The following RIMS2 variants were observed in gnomAD, a reference collection of about 807,000 sequenced individuals.
RIMS2 encodes regulating synaptic membrane exocytosis protein 2.
A neutral mutation model predicts 174.4 loss-of-function variants in RIMS2; 59 were observed. That is an observed-to-expected ratio of 0.34 (90% CI 0.27 to 0.42). The LOEUF (loss-of-function observed/expected upper bound fraction) is 0.42, where lower values mean the gene tolerates loss of function less well. Ranked by LOEUF, RIMS2 falls within the 10% of genes least tolerant of loss-of-function variation. The pLI is 1.00. For missense variants in RIMS2, 1,620 were observed against 1,666.3 expected, an observed-to-expected ratio of 0.97 and a Z score of 0.48; for synonymous variants, 606 against 572.5, an observed-to-expected ratio of 1.06 and a Z score of -0.84.
chr8:104,096,902 A>T (rs963435496), intron 19 of RIMS2, among the ~76,000 whole-genome samples: 1 of 151,936 alleles, frequency 6.6e-6, no homozygotes, highest in Admixed American at 6.6e-5. Flanking sequence ...AAAGAAAAAG[A>T]AAATGTTGGT....
chr8:104,013,779 G>A (rs895802197), intron 18 of RIMS2, among the ~76,000 whole-genome samples, 158 bp downstream of exon 20: 1 of 152,046 alleles, frequency 6.6e-6, no homozygotes, highest in Admixed American at 6.6e-5. Context: ...TATATTCACT[G>A]GATATAATAG....
rs75686122 is a variant in RIMS2 at position 103,561,561 on chromosome 8, C to T, written c.176+60499C>T. Among the ~76,000 whole-genome samples, 936 of 152,138 alleles carry T rather than the reference C, an allele frequency of 6.2e-3. 11 individuals are homozygous for T. Among genetic ancestry groups the T allele is most frequent in the African/African-American group, 0.021 (886 of 41,520 alleles). ...AAAGACATTTCTTGTTTAAAAAAAACCCCCAAACCACAGCACCACTTCTTT... is the reference window on the plus strand; with the variant it reads ...AAAGACATTTCTTGTTTAAAAAAAATCCCCAAACCACAGCACCACTTCTTT... On this transcript the variant is annotated intron_variant, in intron 1 of 23. Coordinates refer to ENST00000504942, the Ensembl canonical transcript of RIMS2.
intron 1 of RIMS2, among the ~76,000 whole-genome samples, chr8:103,621,548 G>A (rs1454911817): frequency 6.6e-6 from 1 of 152,242 alleles, no homozygotes; most frequent in Non-Finnish European, 1.5e-5. Context: ...AACTGTGGGA[G>A]CTAAGAACAT....
At chr8:103,962,276 A>G (rs867181270) in intron 15 of RIMS2, among the ~76,000 whole-genome samples, 17 of 152,146 alleles carry the variant, frequency 1.1e-4, no homozygotes, top group African/African-American at 3.9e-4. Flanking sequence ...TTTCCCTCCT[A>G]TAAAAGGAGT....
At chr8:103,850,167 G>A (rs932305109) in intron 3 of RIMS2, among the ~76,000 whole-genome samples, 5 of 151,684 alleles carry the variant, frequency 3.3e-5, no homozygotes, top group African/African-American at 1.2e-4. Context: ...TATAATTTAA[G>A]GTAATATTCC....
chr8:103,716,289 T>G lies in RIMS2; in HGVS notation c.387+18993T>G, dbSNP rs529242138. The G allele has an allele frequency of 6.6e-6, 1 of 152,180 alleles. No individual in the cohort carries two copies. Among genetic ancestry groups the G allele is most frequent in the South Asian group, 2.1e-4 (1 of 4,826 alleles). The allele number at this position is 152,180 out of a possible 1,614,324, so 9.4% of individuals were successfully genotyped here. A position where few individuals can be genotyped will look rare whatever the true frequency, so the allele number is the denominator to read the frequency against. ...TCTTTTCTGTCTTTTCTAACTTGCT[T>G]TCGTGGATATTCACTCCAGGAGGAC... is the stretch of plus-strand genomic sequence containing the variant. On this transcript the variant is annotated intron_variant, in intron 2 of 23. Coordinates refer to ENST00000504942, the Ensembl canonical transcript of RIMS2.
At chr8:103,536,669 T>G (rs1462763202) in intron 1 of RIMS2, among the ~76,000 whole-genome samples, 1 of 151,980 alleles carries the variant, frequency 6.6e-6, no homozygotes, top group Non-Finnish European at 1.5e-5. Flanking sequence ...GCTATACGCT[T>G]TTAAATAGCT....
intron 19 of RIMS2, among the ~76,000 whole-genome samples, chr8:104,048,104 A>G (rs372208207): frequency 8.3e-4 from 126 of 152,338 alleles, no homozygotes; most frequent in African/African-American, 2.8e-3. Flanking sequence ...AATCCTGAGT[A>G]CAATGTGGCA....
intron 19 of RIMS2, among the ~76,000 whole-genome samples, chr8:104,183,100 G>A (rs926979249): frequency 6.6e-6 from 1 of 151,652 alleles, no homozygotes; most frequent in Non-Finnish European, 1.5e-5. Flanking sequence ...TCTGTATTCT[G>A]CTCTGCCTGA....
At chr8:103,887,134 CTT>C (rs2099207918) in intron 4 of RIMS2, among the ~76,000 whole-genome samples, 1 of 151,576 alleles carries the variant, frequency 6.6e-6, no homozygotes, top group Non-Finnish European at 1.5e-5. Context: ...AAAATGCTCT[CTT>C]TGTCATTTTA....
At chr8:104,140,362 G>T (rs1051161327) in intron 19 of RIMS2, among the ~76,000 whole-genome samples, 1 of 151,866 alleles carries the variant, frequency 6.6e-6, no homozygotes, top group African/African-American at 2.4e-5. Context: ...CATAACACTG[G>T]GTTTATTCCC....
chr8:103,959,704 G>A (rs769795728), intron 14 of RIMS2, among the ~76,000 whole-genome samples: 4 of 151,976 alleles, frequency 2.6e-5, no homozygotes, highest in Non-Finnish European at 4.4e-5. Context: ...GATTACAGGC[G>A]TGAGCCACCG....
At chr8:103,990,262 CTT>C (rs1364552528) in intron 17 of RIMS2, among the ~76,000 whole-genome samples, 1 of 151,996 alleles carries the variant, frequency 6.6e-6, no homozygotes, top group Non-Finnish European at 1.5e-5. Context: ...CATTTAAACA[CTT>C]AATTTTTTTG....
At chr8:103,765,276 G>A (rs758596988) in intron 2 of RIMS2, among the ~76,000 whole-genome samples, 1 of 152,036 alleles carries the variant, frequency 6.6e-6, no homozygotes, top group Non-Finnish European at 1.5e-5. Context: ...GGGCTTTCTG[G>A]CCACAGAGAT....
intron 19 of RIMS2, among the ~76,000 whole-genome samples, chr8:104,135,826 G>A (rs1163807592): frequency 6.6e-6 from 1 of 151,972 alleles, no homozygotes; most frequent in African/African-American, 2.4e-5. Flanking sequence ...GCTGATACTT[G>A]GAGAAAAAGT....
chr8:103,852,266 CTCACATAGGGACTT>C (rs2099002883), intron 3 of RIMS2, among the ~76,000 whole-genome samples: 1 of 151,892 alleles, frequency 6.6e-6, no homozygotes, highest in African/African-American at 2.4e-5. Context: ...TAGTGATGGA[CTCACATAGGGACTT>C]GGGGGCTAAT....
At chr8:104,235,823 A>C (rs910344679) in intron 19 of RIMS2, among the ~76,000 whole-genome samples, 3 of 152,088 alleles carry the variant, frequency 2.0e-5, no homozygotes, top group Admixed American at 6.6e-5. Context: ...AAATTAACCC[A>C]AAAACCCCTT....
intron 3 of RIMS2, among the ~76,000 whole-genome samples, chr8:103,802,234 C>T (rs1444486309): frequency 6.6e-6 from 1 of 152,088 alleles, no homozygotes; most frequent in East Asian, 1.9e-4. Context: ...CATGCATTAA[C>T]AACATAAAAT....
chr8:104,035,994 A>T (rs1411331807), intron 19 of RIMS2, among the ~76,000 whole-genome samples: 1 of 152,164 alleles, frequency 6.6e-6, no homozygotes, highest in Non-Finnish European at 1.5e-5. Context: ...TTCATGATTT[A>T]TGAAGTTAGT....
Sources: allele counts gnomAD v4.1 joint callset (sites outside exome capture counted in the v4.1 genomes callset), GRCh38; gene constraint gnomAD v4.1.1; transcripts MANE v1.5; gene names NCBI Gene and HGNC (gene_info 2026-07-23, HGNC 2026-07-21).